Variants in TRAK1 observed in about 807,000 individuals in gnomAD.
TRAK1 encodes trafficking kinesin-binding protein 1.
TRAK1 carries 33 observed loss-of-function variants against 92.1 expected under a neutral mutation model. The observed-to-expected ratio is 0.36, with a 90% CI of 0.27 to 0.48. The LOEUF is 0.48. Among genes scored for constraint, TRAK1 ranks in the 20% least tolerant of loss-of-function variants. TRAK1 has a pLI of 0.99. For missense variants in TRAK1, 1,123 were observed against 1,257.9 expected (o/e 0.89, Z 1.62); for synonymous variants, 521 against 517.3 (o/e 1.01, Z -0.10).
chr3:42,091,613 G>A (rs1477784564), intron 1 of TRAK1, 53 bp downstream of exon 1: 12 of 1,550,798 alleles, frequency 7.7e-6, no homozygotes, highest in Admixed American at 5.8e-5. Context: ...TGGTGTGGTC[G>A]GAAAGGAGAA....
chr3:42,158,344 C>T (rs1530737), intron 2 of TRAK1, among the ~76,000 whole-genome samples: 119,591 of 152,074 alleles, frequency 0.79, 47,336 homozygotes, highest in East Asian at 0.99. Context: ...GAATGAATCA[C>T]GCACAAGGTG....
At chr3:42,059,404 C>T (rs1301650862) in intron 1 of TRAK1, among the ~76,000 whole-genome samples, 2 of 152,124 alleles carry the variant, frequency 1.3e-5, no homozygotes, top group Non-Finnish European at 2.9e-5. Flanking sequence ...CCTGAGTTAA[C>T]CATATTTTAG....
chr3:42,223,083 A>G lies in TRAK1; in HGVS notation c.2208A>G (p.Thr736=), dbSNP rs1411214175. ...GTGAGTCCACGACCACCATGAGCACATCCCTGGGGCTCGTGTGGCTGTTGA... is the reference window on the plus strand; with the variant it reads ...GTGAGTCCACGACCACCATGAGCACGTCCCTGGGGCTCGTGTGGCTGTTGA... ...NTRESTTTMS[T]SLGLVWLLKE... Residue 736 remains threonine, a synonymous_variant, in exon 16 of 16, where the codon ACA becomes ACG. Transcript: ENST00000327628. This position sits in a 1 kb window ranked among gnomAD's most constrained non-coding sequence, Gnocchi z 6.1. The G allele has an allele frequency of 5.6e-6, 9 of 1,614,062 alleles. No individual in the cohort carries two copies. The highest frequency in any genetic ancestry group is 7.6e-6 in the Non-Finnish European group (9 of 1,180,004).
chr3:42,063,614 A>G (rs1703545325), intron 1 of TRAK1, among the ~76,000 whole-genome samples: 1 of 151,744 alleles, frequency 6.6e-6, no homozygotes, highest in African/African-American at 2.4e-5. Context: ...TGAGCCTGGG[A>G]GACAGAGGTT....
rs750650573 is a variant in TRAK1, at chr3:42,199,296, A to G, written c.1190+43A>G. 1.7e-5 allele frequency: 27 copies of G among 1,603,554 alleles called. No individual in the cohort carries two copies. In the African/African-American group the frequency reaches 1.9e-4, roughly 11 times the overall value. On this transcript the variant is annotated intron_variant, in intron 11 of 15. Transcript: ENST00000327628. The stretch of plus-strand genomic sequence containing the variant: ...ACAGTTTTGAGATTCCCAGAGACCA[A>G]CTTGGACCAGTGCAGTGTTCAAAAC...
intron 14 of TRAK1, chr3:42,211,794 TCTTG>T: frequency 1.0e-6 from 1 of 985,494 alleles, no homozygotes; most frequent in Non-Finnish European, 1.2e-6. Flanking sequence ...CTGACATTTT[TCTTG>T]CTTGTTCTCT....
chr3:42,209,765 A>G lies in TRAK1; in HGVS notation c.1745-2A>G. ...CTTCTTCCCTTCCCTTTCTCCTGCA[A>G]GGTTCCGCCACACTTCACCACTGGC... On this transcript the variant is annotated splice_acceptor_variant, in intron 13 of 15. Transcript: ENST00000327628. LOFTEE classifies it high-confidence loss of function. The G allele has an allele frequency of 6.2e-7, 1 of 1,613,524 alleles. No individual in the cohort carries two copies. The highest frequency in any genetic ancestry group is 8.5e-7 in the Non-Finnish European group (1 of 1,179,702).
At chr3:42,045,308 G>A (rs1702710271) in intron 1 of TRAK1, among the ~76,000 whole-genome samples, 1 of 152,158 alleles carries the variant, frequency 6.6e-6, no homozygotes, top group Non-Finnish European at 1.5e-5. Flanking sequence ...GCTGAGGTGG[G>A]CAGATCACCT....
intron 12 of TRAK1, among the ~76,000 whole-genome samples, chr3:42,201,340 A>G (rs532911261): frequency 2.8e-4 from 42 of 152,190 alleles, no homozygotes; most frequent in Non-Finnish European, 4.0e-4. Flanking sequence ...TGCACCTGTA[A>G]TCTCAGCTAC....
In TRAK1 at chr3:42,113,052, T is replaced by C. The variant is rs578219864; in HGVS notation, c.92-12368T>C. On this transcript the variant is annotated intron_variant, in intron 1 of 15. Transcript: ENST00000327628. ...TCCCAAAGTGCTGGGATTACAGGCA[T>C]GGGCCAGCGCACTTGGCCTAACAAT... Among the ~76,000 whole-genome samples the C allele has an allele frequency of 7.2e-5, 11 of 152,026 alleles. No homozygotes were observed. In the South Asian group the frequency reaches 2.1e-3, roughly 29 times the overall value.
At chr3:42,066,133 C>G (rs1014326999) in intron 1 of TRAK1, among the ~76,000 whole-genome samples, 2 of 152,180 alleles carry the variant, frequency 1.3e-5, no homozygotes, top group Admixed American at 1.3e-4. Context: ...CAAGACTGGC[C>G]TGGCCAACAT....
chr3:42,198,212 G>A (rs2149456776), intron 10 of TRAK1, among the ~76,000 whole-genome samples: 2 of 152,328 alleles, frequency 1.3e-5, no homozygotes, highest in Non-Finnish European at 2.9e-5. Flanking sequence ...ACCTCCTACA[G>A]TGCTGAGTGA....
rs1429162635 is a variant in TRAK1 at position 42,013,829 on chromosome 3, G to C, written c.-807G>C. The C allele has an allele frequency of 3.3e-5, 5 of 150,452 alleles. No homozygotes were observed. The highest frequency in any genetic ancestry group is 6.0e-5 in the Non-Finnish European group (4 of 67,164). The allele number at this position is 150,452 out of a possible 1,614,324, so 9.3% of individuals were successfully genotyped here. ...AGTGGGGCCGCGCGCGGGAGAGCCG[G>C]AGCGCAGCCTTAGCGTCCCCGAGAG... On this transcript the variant is annotated 5_prime_UTR_variant, in exon 1 of 17. Transcript: ENST00000487159. This position sits in a 1 kb window ranked among gnomAD's most constrained non-coding sequence, Gnocchi z 5.1.
intron 14 of TRAK1, chr3:42,210,568 T>C (rs1240143091): frequency 2.8e-6 from 3 of 1,089,810 alleles, no homozygotes; most frequent in Non-Finnish European, 3.3e-6. Flanking sequence ...GCTGGGTCAT[T>C]CAGAAGGTAA....
At chr3:42,148,738 A>T (rs1011988401) in intron 2 of TRAK1, among the ~76,000 whole-genome samples, 1 of 152,222 alleles carries the variant, frequency 6.6e-6, no homozygotes. Flanking sequence ...AGCAGAGAAT[A>T]GTAGTGCATC....
At chr3:42,087,537 G>C (rs1045076291), upstream of TRAK1, 4 of 152,572 alleles carry the variant, frequency 2.6e-5, no homozygotes, top group Non-Finnish European at 5.9e-5. Context: ...AAGACTCTGA[G>C]CTTTCGGATT....
chr3:42,134,578 C>CTTTTT (rs547455969), intron 2 of TRAK1, among the ~76,000 whole-genome samples: 2 of 76,458 alleles, frequency 2.6e-5, no homozygotes, highest in East Asian at 9.2e-4. Context: ...TGCCTGGTCT[C>CTTTTT]TTTTTTTTTT....
chr3:42,143,308 C>CTTTTT (rs369435084), intron 2 of TRAK1, among the ~76,000 whole-genome samples: 1 of 139,260 alleles, frequency 7.2e-6, no homozygotes, highest in African/African-American at 2.7e-5. Flanking sequence ...TGTACCTCTT[C>CTTTTT]TTTTTTTTTT....
At chr3:42,183,162 C>A (rs1704247552) in intron 3 of TRAK1, among the ~76,000 whole-genome samples, 1 of 152,174 alleles carries the variant, frequency 6.6e-6, no homozygotes, top group South Asian at 2.1e-4. Context: ...TTGGTGTTTT[C>A]AATTCTGTGC....
Sources: allele counts gnomAD v4.1 joint callset (sites outside exome capture counted in the v4.1 genomes callset), GRCh38; gene constraint gnomAD v4.1.1; non-coding constraint Gnocchi (gnomAD v3.1); transcripts MANE v1.5; gene names NCBI Gene and HGNC (gene_info 2026-07-23, HGNC 2026-07-21).